The following PCDH1 variants were observed in gnomAD, a reference collection of about 807,000 sequenced individuals.
PCDH1 encodes the protein protocadherin-1.
A neutral mutation model predicts 74.6 loss-of-function variants in PCDH1; 23 were observed. That is an observed-to-expected ratio of 0.31 (90% CI 0.22 to 0.44). The LOEUF is 0.44. Among genes scored for constraint, PCDH1 ranks in the 20% least tolerant of loss-of-function variants. The probability of loss-of-function intolerance (pLI) is 1.00; values close to 1 mark genes in which losing one functional copy is unlikely to be tolerated. For synonymous variants in PCDH1, 647 were observed against 686.1 expected, an observed-to-expected ratio of 0.94 and a Z score of 0.89; for missense variants, 1,214 against 1,641.4, an observed-to-expected ratio of 0.74 and a Z score of 4.50.
chr5:141,863,355 C>T lies in PCDH1; in HGVS notation c.2976G>A (p.Gln992=). The change falls in exon 3 of 5, where the codon CAG becomes CAA. Residue 992 remains glutamine (Q), a synonymous_variant. Transcript: ENST00000287008. The surrounding 1 kb of genome is among the most constrained non-coding windows in gnomAD (Gnocchi z 7.5). ...TTGCAGGTGGCAGGTCCTGTACCAC[C>T]TGGTGCTTCTTGGAGGCTGAGGGTG... ...PQSPSASKKH[Q]VVQDLPPANT... is the part of the protein sequence containing the mutation. 1 of 1,549,154 alleles carries T rather than the reference C, an allele frequency of 6.5e-7. No individual in the cohort carries two copies. Among genetic ancestry groups the T allele is most frequent in the Non-Finnish European group, 8.7e-7 (1 of 1,147,244 alleles).
rs1448844506 is a variant in PCDH1 at position 141,854,348 on chromosome 5, A to G, written c.3408T>C (p.Pro1136=). ...EFGHSDTCWM[P]GQSSPSRRTK... is the part of the protein sequence containing the mutation. ...TCCGGCGGCTGGGAGATGACTGGCC[A>G]GGCATCCAGCATGTGTCAGAGTGGC... The change falls in exon 5 of 5, where the codon CCT becomes CCC. Residue 1136 remains proline, a synonymous_variant. Coordinates refer to ENST00000287008, the MANE Select transcript of PCDH1 (RefSeq NM_032420.5). 1 of 1,613,692 alleles carries G rather than the reference A, an allele frequency of 6.2e-7. No individual in the cohort carries two copies. The highest frequency in any genetic ancestry group is 8.5e-7 in the Non-Finnish European group (1 of 1,179,984).
At chr5:141,875,584 C>T (rs1753204116) in intron 1 of PCDH1, among the ~76,000 whole-genome samples, 1 of 152,024 alleles carries the variant, frequency 6.6e-6, no homozygotes, top group South Asian at 2.1e-4. Flanking sequence ...TGCCCAGCTC[C>T]CCTGCAGAAG....
At chr5:141,854,872 AG>A (rs1752269702) in intron 4 of PCDH1, among the ~76,000 whole-genome samples, 1 of 151,938 alleles carries the variant, frequency 6.6e-6, no homozygotes, top group African/African-American at 2.4e-5. Flanking sequence ...GGGTTTCACC[AG>A]GTTGACCAGG....
Position 141,864,871 on chromosome 5 carries a change from G to A in PCDH1, c.1460C>T (p.Ser487Phe), listed in dbSNP as rs1229563159. Residue 487 changes from serine to phenylalanine, a missense_variant, in exon 3 of 5, where the codon TCC (serine) becomes TTC (phenylalanine). Around this residue, in one of 4 missense-constraint regions of PCDH1, gnomAD observed 836 missense variants for 1,182.2 expected, o/e 0.71. Transcript: ENST00000287008. This position sits in a 1 kb window ranked among gnomAD's most constrained non-coding sequence, Gnocchi z 5.9. ...CTGCACCTTGAGGGAGTTAGTGCTG[G>A]AGAGTGGGGGGTTGCCAGAGTCCAC... ...VAVDSGNPPLSSTNSLKVQVV... is the reference protein window; with the variant it reads ...VAVDSGNPPLFSTNSLKVQVV... 3 of 1,614,210 alleles carry A rather than the reference G, an allele frequency of 1.9e-6. No homozygotes were observed. Among genetic ancestry groups the A allele is most frequent in the Non-Finnish European group, 1.7e-6 (2 of 1,180,048 alleles).
chr5:141,863,578 G>A lies in PCDH1; in HGVS notation c.2753C>T (p.Ser918Phe). The A allele has an allele frequency of 2.5e-6, 4 of 1,614,154 alleles. No homozygotes were observed. The highest frequency in any genetic ancestry group is 3.4e-6 in the Non-Finnish European group (4 of 1,180,014). The change falls in exon 3 of 5, where the codon TCC becomes TTC. Residue 918 changes from serine (S) to phenylalanine (F), a missense_variant. Physicochemically the swap from Ser to Phe is radical, Grantham distance 155. Transcript: ENST00000287008. This position sits in a 1 kb window ranked among gnomAD's most constrained non-coding sequence, Gnocchi z 7.5. ...CTCCACTGGCTTCACGGGCTTTGGGGACTTGCTCTTCTTGCCTTTGCTTTT... is the reference window on the plus strand; with the variant it reads ...CTCCACTGGCTTCACGGGCTTTGGGAACTTGCTCTTCTTGCCTTTGCTTTT... The part of the protein sequence containing the change: ...GNKSKGKKSK[S>F]PKPVKPVEDE...
At chr5:141,867,040 C>T (rs1392271881) in intron 2 of PCDH1, among the ~76,000 whole-genome samples, 1 of 152,210 alleles carries the variant, frequency 6.6e-6, no homozygotes, top group Non-Finnish European at 1.5e-5. Flanking sequence ...GAGTGCCAAA[C>T]CCTAACAGTT....
intron 1 of PCDH1, among the ~76,000 whole-genome samples, chr5:141,871,313 A>G (rs1753091613): frequency 6.6e-6 from 1 of 152,244 alleles, no homozygotes; most frequent in African/African-American, 2.4e-5. Context: ...TGGGATGCAG[A>G]AGTAAACAAG....
chr5:141,874,203 C>T (rs1331697852), intron 1 of PCDH1, among the ~76,000 whole-genome samples: 1 of 152,212 alleles, frequency 6.6e-6, no homozygotes, highest in Non-Finnish European at 1.5e-5. Context: ...TGCTGCTGTT[C>T]ACCCAGGGGC....
At chr5:141,860,312 G>A (rs1283697373) in intron 3 of PCDH1, among the ~76,000 whole-genome samples, 1 of 151,776 alleles carries the variant, frequency 6.6e-6, no homozygotes, top group Non-Finnish European at 1.5e-5. Context: ...CAGGAGTTGA[G>A]ACCAGCCTGG....
rs1359630779 is a variant in PCDH1, at chr5:141,865,900, ATGTG to A, written c.904-477_904-474del. Among the ~76,000 whole-genome samples, 2 of 152,184 alleles carry A rather than the reference ATGTG, an allele frequency of 1.3e-5. No homozygotes were observed. Among genetic ancestry groups the A allele is most frequent in the South Asian group, 2.1e-4 (1 of 4,834 alleles). On this transcript the variant is annotated intron_variant, in intron 2 of 4. Transcript: ENST00000287008. The surrounding 1 kb of genome is among the most constrained non-coding windows in gnomAD (Gnocchi z 4.4). ...CATGCACGCACGCATGCACATATGT[ATGTG>A]TATGATTGTGTCAGAATGTGTGATT...
At position 141,863,137 on chromosome 5, in the gene PCDH1, A is replaced by C; in HGVS notation, c.3099+95T>G. ...GCCCCCAACACGGGCAGGCACAGTA[A>C]ACCTGCTCCATCACTCCCACACCTC... On this transcript the variant is annotated intron_variant, in intron 3 of 4. Transcript: ENST00000287008. The surrounding 1 kb of genome is among the most constrained non-coding windows in gnomAD (Gnocchi z 7.5). The C allele has an allele frequency of 6.8e-7, 1 of 1,463,688 alleles. No homozygotes were observed. The allele number at this position is 1,463,688 out of a possible 1,614,324, so 90.7% of individuals were successfully genotyped here. A position where few individuals can be genotyped will look rare whatever the true frequency, so the allele number is the denominator to read the frequency against.
intron 1 of PCDH1, among the ~76,000 whole-genome samples, chr5:141,872,076 T>C (rs1753107256): frequency 6.6e-6 from 1 of 151,852 alleles, no homozygotes; most frequent in African/African-American, 2.4e-5. Flanking sequence ...TGAATGTTAA[T>C]CTCTTTAAAG....
Position 141,854,249 on chromosome 5 carries a change from G to A in PCDH1, c.3507C>T (p.Ala1169=), listed in dbSNP as rs915107471. 5 of 1,611,584 alleles carry A rather than the reference G, an allele frequency of 3.1e-6. No individual in the cohort carries two copies. The highest frequency in any genetic ancestry group is 1.3e-5 in the African/African-American group (1 of 75,020). ...GGTCTTCCGGGGGGCTGGGGCTGCC[G>A]GCGCCCGCAGGCTCCTGCCCTCCTC... ...QDRGGQEPAG[A]GSPSPPEDRN... Residue 1169 remains alanine, a synonymous_variant, in exon 5 of 5, where the codon GCC becomes GCT. Transcript: ENST00000287008.
chr5:141,862,130 T>C (rs528838480), intron 3 of PCDH1, among the ~76,000 whole-genome samples: 21 of 151,986 alleles, frequency 1.4e-4, no homozygotes, highest in African/African-American at 5.1e-4. Context: ...GTGTTGCCTG[T>C]TGTTGGGATG....
In PCDH1 at chr5:141,865,417, T is replaced by C. The variant is rs1752781023; in HGVS notation, c.914A>G (p.Asn305Ser). 1 of 1,612,968 alleles carries C rather than the reference T, an allele frequency of 6.2e-7. No individual in the cohort carries two copies. Residue 305 changes from asparagine to serine, a missense_variant, in exon 3 of 5, where the codon AAT (asparagine) becomes AGT (serine). Transcript: ENST00000287008. The surrounding 1 kb of genome is among the most constrained non-coding windows in gnomAD (Gnocchi z 4.4). ...TGCATTGGCACCTTGGTCTGAGTCA[T>C]TGGCCTTCACCTATAGGGCAGGAGA... ...IGHSVIQVKA[N>S]DSDQGANAEI...
At position 141,863,835 on chromosome 5, in the gene PCDH1, C is replaced by T. The variant is rs377762769; in HGVS notation, c.2496G>A (p.Thr832=). 13 of 1,614,162 alleles carry T rather than the reference C, an allele frequency of 8.1e-6. No homozygotes were observed. Among genetic ancestry groups the T allele is most frequent in the Admixed American group, 5.0e-5 (3 of 60,036 alleles). ...LETLLGHSLD[T]PLDIDIAGDP... is the part of the protein sequence containing the mutation. Reference sequence around the variant, plus strand: ...CCCCAGCAATGTCAATATCCAGCGGCGTGTCCAGGCTGTGGCCCAGGAGGG... The same window carrying T: ...CCCCAGCAATGTCAATATCCAGCGGTGTGTCCAGGCTGTGGCCCAGGAGGG... The change falls in exon 3 of 5, where the codon ACG becomes ACA. Residue 832 remains threonine (T), a synonymous_variant. Coordinates refer to ENST00000287008, the MANE Select transcript of PCDH1 (RefSeq NM_032420.5). The surrounding 1 kb of genome is among the most constrained non-coding windows in gnomAD (Gnocchi z 7.5).
At position 141,864,027 on chromosome 5, in the gene PCDH1, C is replaced by A. The variant is rs1467731519; in HGVS notation, c.2304G>T (p.Gly768=). ...GGNPYGLFQI[G]SHSGAITLEK... ...CCAGGGTGATGGCACCTGAATGTGA[C>A]CCAATCTGGAAGAGTCCATAAGGGT... The change falls in exon 3 of 5, where the codon GGG becomes GGT. Residue 768 remains glycine (G), a synonymous_variant. Coordinates refer to ENST00000287008, the MANE Select transcript of PCDH1 (RefSeq NM_032420.5). This position sits in a 1 kb window ranked among gnomAD's most constrained non-coding sequence, Gnocchi z 5.9. 3 of 1,614,074 alleles carry A rather than the reference C, an allele frequency of 1.9e-6. No homozygotes were observed. The highest frequency in any genetic ancestry group is 2.5e-6 in the Non-Finnish European group (3 of 1,180,018).
In PCDH1 at chr5:141,859,066, A is replaced by T. The variant is rs1039987886; in HGVS notation, c.3100-1595T>A. ...TGGAATCCTTGTATTGATCTAAAAC[A>T]CTGAAGGGTCTGGGTGATGACTGAT... On this transcript the variant is annotated intron_variant, in intron 3 of 4. Transcript: ENST00000287008. 3.3e-5 allele frequency among the ~76,000 whole-genome samples: 5 copies of T among 152,286 alleles called. No homozygotes were observed. In the South Asian group the frequency reaches 1.0e-3, roughly 32 times the overall value.
chr5:141,854,118 AG>A lies in PCDH1; in HGVS notation c.3637del (p.Leu1213Ter). On this transcript the variant is annotated frameshift_variant, in exon 5 of 5. Transcript: ENST00000287008. LOFTEE classifies it high-confidence loss of function. ...KDSATLEEIP[L>X]TQTSDFPPAA... ...GGGTGGGAAGTCCGAGGTCTGGGTC[AG>A]GGGGATTTCCTCCAAGGTGGCCGAG... 1.3e-6 allele frequency: 2 copies of A among 1,583,328 alleles called. No homozygotes were observed. Among genetic ancestry groups the A allele is most frequent in the Non-Finnish European group, 1.7e-6 (2 of 1,162,376 alleles).
Sources: allele counts gnomAD v4.1 joint callset (sites outside exome capture counted in the v4.1 genomes callset), GRCh38; gene constraint gnomAD v4.1.1; regional missense constraint gnomAD v4.1.1; non-coding constraint Gnocchi (gnomAD v3.1); transcripts MANE v1.5; gene names NCBI Gene and HGNC (gene_info 2026-07-23, HGNC 2026-07-21).